LRGUK: variants seen among roughly 807,000 people sequenced by gnomAD.
LRGUK encodes the protein leucine-rich repeat and guanylate kinase domain-containing protein.
In LRGUK, 65 loss-of-function variants were observed where a neutral mutation model predicts 76.0. The ratio of observed to expected loss-of-function variants is 0.85; its 90% CI spans 0.70 to 1.05. LRGUK has a LOEUF of 1.05. Ranked by LOEUF, LRGUK falls within the 50% of genes least tolerant of loss-of-function variation. The pLI is 0.00. For synonymous variants in LRGUK, 268 were observed against 265.6 expected, an observed-to-expected ratio of 1.01 and a Z score of -0.09; for missense variants, 758 against 732.8, an observed-to-expected ratio of 1.03 and a Z score of -0.40.
chr7:134,135,422 G>A (rs1797483312), intron 1 of LRGUK, among the ~76,000 whole-genome samples: 1 of 152,202 alleles, frequency 6.6e-6, no homozygotes, highest in Non-Finnish European at 1.5e-5. Context: ...GATAAAGGGA[G>A]TTCAGAAAGA....
chr7:134,141,809 C>G (rs1385914159), intron 3 of LRGUK: 1 of 152,168 alleles, frequency 6.6e-6, no homozygotes, highest in Non-Finnish European at 1.5e-5. Context: ...TAGGTTTCCT[C>G]GAAGAGTTCT....
intron 19 of LRGUK, 107 bp downstream of exon 19, chr7:134,258,512 A>G: frequency 9.7e-7 from 1 of 1,033,238 alleles, no homozygotes; most frequent in African/African-American, 1.6e-5. Context: ...AGCCTGGCCA[A>G]AATTGTGAAA....
intron 5 of LRGUK, among the ~76,000 whole-genome samples, chr7:134,153,538 C>T (rs920306336): frequency 6.6e-6 from 1 of 151,852 alleles, no homozygotes; most frequent in East Asian, 1.9e-4. Flanking sequence ...AATTTAATTC[C>T]AGACAGAATT....
At chr7:134,243,606 T>C (rs1445731341) in intron 16 of LRGUK, among the ~76,000 whole-genome samples, 1 of 151,984 alleles carries the variant, frequency 6.6e-6, no homozygotes, top group Non-Finnish European at 1.5e-5. Context: ...GAATCAATAT[T>C]GTGAAAATGG....
intron 17 of LRGUK, among the ~76,000 whole-genome samples, chr7:134,248,252 G>A (rs57860109): frequency 6.6e-6 from 1 of 152,152 alleles, no homozygotes; most frequent in African/African-American, 2.4e-5. Context: ...CAGAATGCCA[G>A]GCCTGTTCGA....
At chr7:134,206,287 A>T (rs1801003360) in intron 15 of LRGUK, among the ~76,000 whole-genome samples, 1 of 152,120 alleles carries the variant, frequency 6.6e-6, no homozygotes. Flanking sequence ...AAGCCCGAGG[A>T]GGGCAGATCA....
the LRGUK span, among the ~76,000 whole-genome samples, chr7:134,270,934 G>A: frequency 7.4e-4 from 113 of 152,104 alleles, 1 homozygote; most frequent in Non-Finnish European, 6.6e-4. Flanking sequence ...TCACCAACAC[G>A]TAAGAGGGTG....
At chr7:134,193,940 G>A (rs1409422760) in intron 12 of LRGUK, among the ~76,000 whole-genome samples, 1 of 151,918 alleles carries the variant, frequency 6.6e-6, no homozygotes, top group Non-Finnish European at 1.5e-5. Context: ...CCCACACAGG[G>A]GCCTCCTCTA....
downstream of LRGUK, among the ~76,000 whole-genome samples, chr7:134,264,953 C>T (rs915455454): frequency 2.6e-5 from 4 of 152,162 alleles, no homozygotes; most frequent in African/African-American, 9.7e-5. Context: ...TAATCCTCTT[C>T]CCTGTGACAA....
chr7:134,247,033 G>A (rs1165073777), intron 16 of LRGUK, among the ~76,000 whole-genome samples: 1 of 152,116 alleles, frequency 6.6e-6, no homozygotes, highest in African/African-American at 2.4e-5. Flanking sequence ...TGAATGCAGA[G>A]ACTATCTTGT....
At chr7:134,254,435 G>A (rs942423385) in intron 18 of LRGUK, among the ~76,000 whole-genome samples, 1 of 152,186 alleles carries the variant, frequency 6.6e-6, no homozygotes, top group South Asian at 2.1e-4. Flanking sequence ...CAGTTCCGGA[G>A]GCTGGGAGTT....
intron 7 of LRGUK, among the ~76,000 whole-genome samples, chr7:134,173,831 T>C (rs1487153537): frequency 3.3e-5 from 5 of 152,134 alleles, no homozygotes; most frequent in Non-Finnish European, 7.4e-5. Flanking sequence ...GTAAGAAGGC[T>C]TTGGCCGGGT....
intron 3 of LRGUK, among the ~76,000 whole-genome samples, chr7:134,142,774 C>T (rs769681250): frequency 1.3e-5 from 2 of 152,136 alleles, no homozygotes; most frequent in Admixed American, 6.5e-5. Flanking sequence ...AGCGGGCATG[C>T]GGAAGAGGCC....
intron 7 of LRGUK, among the ~76,000 whole-genome samples, chr7:134,170,923 C>G (rs1169616661): frequency 1.3e-5 from 2 of 152,018 alleles, no homozygotes; most frequent in East Asian, 1.9e-4. Flanking sequence ...TCCAGTAATG[C>G]ACTCACCATC....
At chr7:134,263,957 C>A in exon 20 of LRGUK, 1 of 1,611,836 alleles carries the variant, frequency 6.2e-7, no homozygotes, top group East Asian at 2.2e-5. Flanking sequence ...TCCCTCCAAT[C>A]CCTCAGGGCC....
At chr7:134,143,190 C>T in intron 4 of LRGUK, 28 bp downstream of exon 4, 4 of 1,297,104 alleles carry the variant, frequency 3.1e-6, no homozygotes, top group Non-Finnish European at 4.5e-6. Context: ...CTTAATTACA[C>T]ATTAAGGGGT....
rs1585479786 is a variant in LRGUK, at chr7:134,168,197, A to C, written c.939+4657A>C. 2.0e-5 allele frequency among the ~76,000 whole-genome samples: 3 copies of C among 152,160 alleles called. No homozygotes were observed. The South Asian group carries it at 6.2e-4, about 32-fold the overall frequency. On this transcript the variant is annotated intron_variant, in intron 7 of 15. Transcript: ENST00000645682. ...ACATAGCAAGACTCCCATCTCTTCC[A>C]AAAATAATAATAATAAAAAAAACTG...
chr7:134,134,525 C>A (rs961266661), intron 1 of LRGUK, among the ~76,000 whole-genome samples: 1 of 152,152 alleles, frequency 6.6e-6, no homozygotes, highest in Non-Finnish European at 1.5e-5. Flanking sequence ...GGTTATTGTG[C>A]AGAGTGCTGC....
downstream of LRGUK, among the ~76,000 whole-genome samples, chr7:134,210,475 T>C (rs896676195): frequency 4.6e-5 from 7 of 152,140 alleles, no homozygotes; most frequent in Non-Finnish European, 8.8e-5. Flanking sequence ...AAGGGCCATC[T>C]TGTAAGAGAG....
Sources: allele counts gnomAD v4.1 joint callset (sites outside exome capture counted in the v4.1 genomes callset), GRCh38; gene constraint gnomAD v4.1.1; transcripts MANE v1.5; gene names NCBI Gene and HGNC (gene_info 2026-07-23, HGNC 2026-07-21).